The following NSMCE2 variants were observed in gnomAD, a reference collection of about 807,000 sequenced individuals.
NSMCE2 encodes the protein NSE2 SUMO ligase component of SMC5/6 complex.
A neutral mutation model predicts 23.8 loss-of-function variants in NSMCE2; 24 were observed. The ratio of observed to expected loss-of-function variants is 1.01; its 90% CI spans 0.73 to 1.42. The LOEUF is 1.42. NSMCE2 is among the 40% of genes most tolerant of loss of function. NSMCE2 has a pLI of 0.00. For synonymous variants in NSMCE2, 92 were observed against 94.1 expected (o/e 0.98, Z 0.13); for missense variants, 284 against 296.5 (o/e 0.96, Z 0.31).
chr8:125,222,896 C>T (rs1824930266), intron 5 of NSMCE2, among the ~76,000 whole-genome samples: 1 of 151,812 alleles, frequency 6.6e-6, no homozygotes, highest in African/African-American at 2.4e-5. Context: ...AACCCTGTCC[C>T]TACAAAAGGA....
rs562895919 is a variant in NSMCE2 at position 125,283,949 on chromosome 8, G to C, written c.419-73270G>C. Among the ~76,000 whole-genome samples the C allele has an allele frequency of 8.1e-4, 123 of 152,094 alleles. 1 individual carries two copies. The highest frequency in any genetic ancestry group is 2.2e-3 in the African/African-American group (91 of 41,504). On this transcript the variant is annotated intron_variant, in intron 5 of 7. Coordinates refer to ENST00000287437, the MANE Select transcript of NSMCE2 (RefSeq NM_173685.4). ...TGGGCAGATCACAAGGTCAGGAGAT[G>C]GAGACCATCCTGGCTAACATGGTGA... is the stretch of plus-strand genomic sequence containing the variant.
intron 5 of NSMCE2, among the ~76,000 whole-genome samples, chr8:125,349,498 C>T (rs974824053): frequency 6.6e-6 from 1 of 151,790 alleles, no homozygotes; most frequent in Admixed American, 6.6e-5. Context: ...CTTACAATCC[C>T]AGAAATTTGG....
chr8:125,248,594 A>G (rs1826085009), intron 5 of NSMCE2, among the ~76,000 whole-genome samples: 2 of 152,110 alleles, frequency 1.3e-5, no homozygotes, highest in Admixed American at 1.3e-4. Flanking sequence ...CGGAGGTTGC[A>G]GTGAGCTGAG....
At chr8:125,176,504 A>G (rs950186671) in intron 4 of NSMCE2, among the ~76,000 whole-genome samples, 5 of 152,056 alleles carry the variant, frequency 3.3e-5, no homozygotes, top group African/African-American at 1.2e-4. Flanking sequence ...GATCCCATTC[A>G]TTTCCATGGT....
At chr8:125,138,165 T>C (rs1820164643) in intron 3 of NSMCE2, among the ~76,000 whole-genome samples, 1 of 152,212 alleles carries the variant, frequency 6.6e-6, no homozygotes, top group Non-Finnish European at 1.5e-5. Context: ...TCAGCAGTAC[T>C]AATATAGGAA....
intron 5 of NSMCE2, among the ~76,000 whole-genome samples, chr8:125,294,723 T>G (rs1413394198): frequency 6.6e-6 from 1 of 152,132 alleles, no homozygotes; most frequent in African/African-American, 2.4e-5. Flanking sequence ...AAACATAAAG[T>G]AAAATGACAT....
intron 5 of NSMCE2, chr8:125,182,791 A>G (rs1248705096): frequency 6.5e-6 from 1 of 153,392 alleles, no homozygotes; most frequent in Non-Finnish European, 1.5e-5. Flanking sequence ...ATAAACTATT[A>G]CATTCAAGTT....
At chr8:125,151,979 G>A (rs572726730) in intron 4 of NSMCE2, among the ~76,000 whole-genome samples, 1 of 152,090 alleles carries the variant, frequency 6.6e-6, no homozygotes, top group African/African-American at 2.4e-5. Flanking sequence ...TTCTGGTTTC[G>A]TTATTTGCCT....
Position 125,136,239 on chromosome 8 carries a change from T to G in NSMCE2, c.158-14932T>G, listed in dbSNP as rs577874225. Among the ~76,000 whole-genome samples, 26 of 152,200 alleles carry G rather than the reference T, an allele frequency of 1.7e-4. No individual in the cohort carries two copies. In the South Asian group the frequency reaches 2.3e-3, roughly 13 times the overall value. On this transcript the variant is annotated intron_variant, in intron 3 of 7. Transcript: ENST00000287437. The stretch of plus-strand genomic sequence containing the variant: ...CAGACTTGTACTTGAGAAAGAGAAT[T>G]GGCAACATCATGGAAGAACTATTAG...
intron 5 of NSMCE2, among the ~76,000 whole-genome samples, chr8:125,316,740 C>CTTCCTTCCTTCCTTCCTTCT (rs1245728867): frequency 6.1e-5 from 8 of 130,140 alleles, no homozygotes; most frequent in African/African-American, 1.9e-4. Context: ...CTTTTCCTTC[C>CTTCCTTCCTTCCTTCCTTCT]TTCCTTCCTT....
Position 125,367,111 on chromosome 8 carries a change from A to C in NSMCE2, c.*226A>C. On this transcript the variant is annotated 3_prime_UTR_variant, in exon 8 of 8. Coordinates refer to ENST00000287437, the MANE Select transcript of NSMCE2 (RefSeq NM_173685.4). Reference sequence around the variant, plus strand: ...TTCTATAATGTTAAATAAAACTTTGATCATCTGCAGTGTCCTCCCTGCATG... The same window carrying C: ...TTCTATAATGTTAAATAAAACTTTGCTCATCTGCAGTGTCCTCCCTGCATG... 4.5e-6 allele frequency: 2 copies of C among 440,192 alleles called. No individual in the cohort carries two copies. The highest frequency in any genetic ancestry group is 8.2e-6 in the Non-Finnish European group (2 of 243,332). The allele number at this position is 440,192 out of a possible 1,614,324, so 27.3% of individuals were successfully genotyped here.
chr8:125,152,924 G>T (rs1227860447), intron 4 of NSMCE2, among the ~76,000 whole-genome samples: 1 of 151,744 alleles, frequency 6.6e-6, no homozygotes, highest in Non-Finnish European at 1.5e-5. Context: ...AGGTGTAGTG[G>T]CATGCACCTG....
intron 5 of NSMCE2, among the ~76,000 whole-genome samples, chr8:125,256,292 A>C (rs1040641302): frequency 6.6e-6 from 1 of 151,950 alleles, no homozygotes; most frequent in African/African-American, 2.4e-5. Context: ...AAAAAAAAAA[A>C]AAAAAACTAA....
intron 4 of NSMCE2, among the ~76,000 whole-genome samples, chr8:125,179,989 C>T (rs1045291370): frequency 6.6e-5 from 10 of 152,162 alleles, no homozygotes; most frequent in South Asian, 2.1e-4. Flanking sequence ...ATAATGTTAC[C>T]ATTAACATCT....
intron 4 of NSMCE2, among the ~76,000 whole-genome samples, chr8:125,180,009 G>T (rs568376031): frequency 1.5e-4 from 23 of 152,188 alleles, no homozygotes; most frequent in Non-Finnish European, 3.2e-4. Flanking sequence ...TTAGGTGGAT[G>T]TGAGTCCATT....
intron 5 of NSMCE2, among the ~76,000 whole-genome samples, chr8:125,207,358 G>A (rs546641528): frequency 8.3e-4 from 126 of 152,148 alleles, no homozygotes; most frequent in African/African-American, 2.9e-3. Flanking sequence ...TATAAATGAG[G>A]TATACACATT....
At position 125,102,417 on chromosome 8, in the gene NSMCE2, C is replaced by T; in HGVS notation, c.87C>T (p.Asn29=). 6.2e-7 allele frequency: 1 copy of T among 1,613,538 alleles called. No homozygotes were observed. Among genetic ancestry groups the T allele is most frequent in the Non-Finnish European group, 8.5e-7 (1 of 1,179,448 alleles). ...AGTCTGCTCTCTCCTCCTTGAAAAA[C>T]TTCCAAGCCTGTATCAACTCTGGTA... ...GVESALSSLK[N]FQACINSGMD... Residue 29 remains asparagine (N), a synonymous_variant, in exon 3 of 8, where the codon AAC becomes AAT. Coordinates refer to ENST00000287437, the MANE Select transcript of NSMCE2 (RefSeq NM_173685.4).
chr8:125,254,789 G>A (rs1214758479), intron 5 of NSMCE2, among the ~76,000 whole-genome samples: 4 of 152,126 alleles, frequency 2.6e-5, no homozygotes, highest in African/African-American at 4.8e-5. Flanking sequence ...TTCTATGGAA[G>A]CAGTTTGGTC....
chr8:125,282,136 G>A (rs1392446982), intron 5 of NSMCE2, among the ~76,000 whole-genome samples: 1 of 151,154 alleles, frequency 6.6e-6, no homozygotes, highest in Non-Finnish European at 1.5e-5. Flanking sequence ...TTCTTTGAGA[G>A]GGAGTCTCAC....
Sources: gnomAD v4.1 joint callset for allele counts (sites outside exome capture counted in the v4.1 genomes callset) on GRCh38, gnomAD v4.1.1 for gene constraint, MANE v1.5 for transcripts, NCBI Gene and HGNC (gene_info 2026-07-23, HGNC 2026-07-21) for gene names.